DVL1: variants seen among roughly 807,000 people sequenced by gnomAD.
DVL1 encodes segment polarity protein dishevelled homolog DVL-1.
Under a neutral mutation model 65.0 loss-of-function variants are expected in DVL1, and 49 were observed. The ratio of observed to expected loss-of-function variants is 0.75; its 90% confidence interval spans 0.60 to 0.96. The LOEUF (loss-of-function observed/expected upper bound fraction) is 0.96. Among genes scored for constraint, DVL1 ranks in the 40% least tolerant of loss-of-function variants. The pLI, the probability that DVL1 is intolerant of heterozygous loss-of-function variation, is 0.00. For synonymous variants in DVL1, 608 were observed against 433.9 expected (o/e 1.40, Z -4.99); for missense variants, 1,197 against 1,045.4 (o/e 1.15, Z -2.00).
intron 1 of DVL1, 42 bp from the exon 2 acceptor site, chr1:1,342,800 A>C (rs1485401644): frequency 1.2e-6 from 2 of 1,600,356 alleles, no homozygotes; most frequent in South Asian, 2.2e-5. Flanking sequence ...TGGGGGGCCC[A>C]ACCCTGCGGT....
intron 14 of DVL1, 120 bp downstream of exon 14, chr1:1,337,857 G>T (rs906263591): frequency 4.8e-5 from 38 of 790,948 alleles, no homozygotes; most frequent in Non-Finnish European, 7.9e-5. Context: ...GCAGCGGGGT[G>T]GGGTGGAGCT....
chr1:1,348,616 C>A (rs1357903284), intron 1 of DVL1, among the ~76,000 whole-genome samples: 2 of 152,146 alleles, frequency 1.3e-5, no homozygotes, highest in Admixed American at 1.3e-4. Flanking sequence ...GGAAGCGATG[C>A]GGCCGACCGA....
Position 1,339,637 on chromosome 1 carries a change from G to A in DVL1, c.999C>T (p.Leu333=). The A allele has an allele frequency of 1.2e-6, 2 of 1,610,244 alleles. No homozygotes were observed. Among genetic ancestry groups the A allele is most frequent in the South Asian group, 1.1e-5 (1 of 90,986 alleles). ...TTGGGTCCCAGCACTTGGCCACAGTGAGGCTGATGGGCCTGCAGGAACGGT... is the reference window on the plus strand; with the variant it reads ...TTGGGTCCCAGCACTTGGCCACAGTAAGGCTGATGGGCCTGCAGGAACGGT... The part of the protein sequence containing the change: ...EIVSQTGPIS[L]TVAKCWDPTP... Residue 333 remains leucine, a synonymous_variant, in exon 10 of 15, where the codon CTC becomes CTT. Coordinates refer to ENST00000378888, the MANE Select transcript of DVL1 (RefSeq NM_001330311.2).
chr1:1,340,737 G>C (rs533264366), intron 5 of DVL1, among the ~76,000 whole-genome samples: 52 of 151,164 alleles, frequency 3.4e-4, no homozygotes, highest in African/African-American at 1.3e-3. Context: ...ATCCACTACT[G>C]ACACACCTGC....
At chr1:1,340,634 G>A (rs1484800992) in intron 5 of DVL1, 131 bp from the exon 6 acceptor site, 12 of 946,960 alleles carry the variant, frequency 1.3e-5, no homozygotes, top group African/African-American at 8.2e-5. Flanking sequence ...AGTGCCTGAC[G>A]TCCACGCCCC....
rs770548436 is a variant in DVL1, at chr1:1,336,301, C to T, written c.1929G>A (p.Pro643=). Residue 643 remains proline, a synonymous_variant, in exon 15 of 15, where the codon CCG becomes CCA. Coordinates refer to ENST00000378888, the MANE Select transcript of DVL1 (RefSeq NM_001330311.2). The part of the protein sequence containing the change: ...QASATAPGLP[P]PHPTTKAYTV... ...TATAGGCCTTGGTCGTGGGGTGGGG[C>T]GGGGGGAGCCCCGGGGCGGTAGCCG... 3.5e-5 allele frequency: 55 copies of T among 1,557,078 alleles called. No individual in the cohort carries two copies. The highest frequency in any genetic ancestry group is 7.5e-5 in the Admixed American group (4 of 53,614).
intron 1 of DVL1, among the ~76,000 whole-genome samples, chr1:1,348,629 C>G (rs1238453075): frequency 6.6e-6 from 1 of 152,182 alleles, no homozygotes; most frequent in Non-Finnish European, 1.5e-5. Context: ...CCGACCGAGT[C>G]TGACACGGGC....
Position 1,336,459 on chromosome 1 carries a change from C to G in DVL1, c.1771G>C (p.Glu591Gln). ...CCCCCAGCTCCCGCCGCCCGACGCT[C>G]CTTCTCACGGCCCGGGGCCCGGCGG... ...SSRRAPGREK[E>Q]RRAAGAGGSG... Residue 591 changes from glutamate (E) to glutamine (Q), a missense_variant, in exon 15 of 15, where the codon GAG becomes CAG. By Grantham distance (29) the Glu-to-Gln change is conservative (BLOSUM62 2). Coordinates refer to ENST00000378888, the MANE Select transcript of DVL1 (RefSeq NM_001330311.2). The G allele has an allele frequency of 6.4e-7, 1 of 1,567,952 alleles. No homozygotes were observed. Among genetic ancestry groups the G allele is most frequent in the Non-Finnish European group, 8.6e-7 (1 of 1,164,944 alleles).
rs992293226 is a variant in DVL1, at chr1:1,349,167, G to A, written c.-102C>T. The A allele has an allele frequency of 2.0e-5, 14 of 711,454 alleles. No individual in the cohort carries two copies. The highest frequency in any genetic ancestry group is 2.2e-5 in the Non-Finnish European group (13 of 587,386). 44.1% of individuals were successfully genotyped at this position (711,454 alleles called of 1,614,324 possible). On this transcript the variant is annotated 5_prime_UTR_variant, in exon 1 of 15. Transcript: ENST00000378888. This position sits in a 1 kb window ranked among gnomAD's most constrained non-coding sequence, Gnocchi z 4.1. ...GCCTGCGCCCCGCCCGGCCCGCACC[G>A]CTCTCGGCCCCGACGCTCCGAGGCC...
chr1:1,339,855 C>T (rs768899401), intron 8 of DVL1, 43 bp from the exon 9 acceptor site: 6 of 1,497,850 alleles, frequency 4.0e-6, no homozygotes, highest in African/African-American at 1.5e-5. Context: ...GGATGTGCAG[C>T]TCAGTCCACC....
chr1:1,337,694 G>A (rs1643624334), intron 14 of DVL1: 4 of 632,290 alleles, frequency 6.3e-6, no homozygotes, highest in East Asian at 3.1e-5. Context: ...GTGGGGTCCA[G>A]GCTGCCCCTG....
chr1:1,341,560 GCA>G (rs1643829432), intron 5 of DVL1, 105 bp downstream of exon 5: 11 of 1,370,080 alleles, frequency 8.0e-6, no homozygotes, highest in African/African-American at 2.9e-5. Flanking sequence ...GCACACACAC[GCA>G]CACACGTGCA....
chr1:1,340,190 C>G lies in DVL1; in HGVS notation c.770-13G>C, dbSNP rs754434938. 5.0e-6 allele frequency: 8 copies of G among 1,613,718 alleles called. No individual in the cohort carries two copies. The highest frequency in any genetic ancestry group is 5.1e-6 in the Non-Finnish European group (6 of 1,179,970). On this transcript the variant is annotated splice_polypyrimidine_tract_variant and intron_variant, in intron 7 of 14. Transcript: ENST00000378888. ...AAGTGATGTCTTTCTGCAGGAAGAG[C>G]CATGAGCCGCGGCCAAGCCCCTGCC...
chr1:1,337,395 T>C (rs1478921285), intron 14 of DVL1, among the ~76,000 whole-genome samples: 2 of 152,044 alleles, frequency 1.3e-5, no homozygotes, highest in Non-Finnish European at 2.9e-5. Context: ...CCCCGGCCCC[T>C]AAACACACCC....
rs897629944 is a variant in DVL1 at position 1,349,011 on chromosome 1, C to T, written c.55G>A (p.Val19Ile). ...CGCTCGGGGGCCACGGGCAGCTTGA[C>T]CAGGTACGGCGTCTCCTCCTCGTCC... ...HMDEEETPYL[V>I]KLPVAPERVT... The change falls in exon 1 of 15, where the codon GTC becomes ATC. Residue 19 changes from valine (V) to isoleucine (I), a missense_variant. By Grantham distance (29) the Val-to-Ile change is conservative. Transcript: ENST00000378888. The surrounding 1 kb of genome is among the most constrained non-coding windows in gnomAD (Gnocchi z 4.1). 2.5e-6 allele frequency: 4 copies of T among 1,573,782 alleles called. No homozygotes were observed. The highest frequency in any genetic ancestry group is 3.5e-6 in the Non-Finnish European group (4 of 1,157,500).
rs201057907 is a variant in DVL1 at position 1,341,521 on chromosome 1, T to C, written c.605+146A>G. The C allele has an allele frequency of 2.5e-5, 28 of 1,132,454 alleles. No homozygotes were observed. The East Asian group carries it at 4.3e-4, about 18-fold the overall frequency. 70.2% of individuals were successfully genotyped at this position (1,132,454 alleles called of 1,614,324 possible). ...CACGTGCACAAGCACACGTGCATCA[T>C]GTACACAGACATTTGCAGGCACACA... On this transcript the variant is annotated intron_variant, in intron 5 of 14. Coordinates refer to ENST00000378888, the MANE Select transcript of DVL1 (RefSeq NM_001330311.2).
chr1:1,341,931 C>G (rs1235715554), intron 4 of DVL1, 122 bp downstream of exon 4: 1 of 1,459,036 alleles, frequency 6.9e-7, no homozygotes, highest in Non-Finnish European at 9.2e-7. Context: ...GCTCGCTGGG[C>G]CTGTGCCTCC....
chr1:1,341,584 CCT>C (rs1279850377), intron 5 of DVL1, 81 bp downstream of exon 5: 1 of 1,367,880 alleles, frequency 7.3e-7, no homozygotes, highest in Non-Finnish European at 9.5e-7. Flanking sequence ...TGTGAAAACA[CCT>C]CATGCAGACA....
chr1:1,340,451 T>G lies in DVL1; in HGVS notation c.658A>C (p.Lys220Gln). Reference protein sequence around the residue: ...STSSRLIRKHKRRRRKQRLRQ... With the variant: ...STSSRLIRKHQRRRRKQRLRQ... ...AGGCGCTGCTTCCTCCGCCGGCGTT[T>G]GTGCTTCCGGATGAGTCTGGATGAG... Residue 220 changes from lysine (K) to glutamine (Q), a missense_variant, in exon 6 of 15, where the codon AAA becomes CAA. Transcript: ENST00000378888. The G allele has an allele frequency of 6.2e-7, 1 of 1,612,096 alleles. No homozygotes were observed. Among genetic ancestry groups the G allele is most frequent in the South Asian group, 1.1e-5 (1 of 90,748 alleles).
Sources: allele counts gnomAD v4.1 joint callset (sites outside exome capture counted in the v4.1 genomes callset), GRCh38; gene constraint gnomAD v4.1.1; non-coding constraint Gnocchi (gnomAD v3.1); transcripts MANE v1.5; gene names NCBI Gene and HGNC (gene_info 2026-07-23, HGNC 2026-07-21).